MAP3K5: variants seen among roughly 807,000 people sequenced by gnomAD.
MAP3K5 encodes ASK-1.
In MAP3K5, 56 loss-of-function variants were observed where a neutral mutation model predicts 158.7. That is an observed-to-expected ratio of 0.35 (90% CI 0.28 to 0.44). The LOEUF (loss-of-function observed/expected upper bound fraction) is 0.44. MAP3K5 is among the 20% of genes least tolerant of loss of function. The probability of loss-of-function intolerance (pLI) is 1.00; values close to 1 mark genes in which losing one functional copy is unlikely to be tolerated. For missense variants in MAP3K5, 1,294 were observed against 1,674.8 expected, an observed-to-expected ratio of 0.77 and a Z score of 3.97; for synonymous variants, 579 against 601.7, an observed-to-expected ratio of 0.96 and a Z score of 0.55.
intron 1 of MAP3K5, among the ~76,000 whole-genome samples, chr6:136,747,782 C>T (rs531413217): frequency 6.6e-6 from 1 of 152,278 alleles, no homozygotes; most frequent in Non-Finnish European, 1.5e-5. Context: ...CAGTTGATGC[C>T]CATGCTGCTG....
At chr6:136,663,998 G>T (rs1779122343) in intron 8 of MAP3K5, among the ~76,000 whole-genome samples, 1 of 152,060 alleles carries the variant, frequency 6.6e-6, no homozygotes. Context: ...ATGGTGCAGG[G>T]TCCTCAATCC....
intron 13 of MAP3K5, among the ~76,000 whole-genome samples, chr6:136,638,967 A>G (rs568575660): frequency 6.6e-6 from 1 of 152,336 alleles, no homozygotes; most frequent in East Asian, 1.9e-4. Flanking sequence ...TATTAGCCCA[A>G]GAGAAACATA....
At position 136,639,787 on chromosome 6, in the gene MAP3K5, C is replaced by A. The variant is rs1038305941; in HGVS notation, c.1839-149G>T. On this transcript the variant is annotated intron_variant, in intron 12 of 29. Transcript: ENST00000359015. ...ATAAATAGCACTTTAAAAAGTGATA[C>A]TTCCTGCACCACACTACTAAAATGA... 1.4e-5 allele frequency: 8 copies of A among 579,398 alleles called. No homozygotes were observed. The African/African-American group carries it at 1.5e-4, about 11-fold the overall frequency. 35.9% of individuals were successfully genotyped at this position (579,398 alleles called of 1,614,324 possible). A position where few individuals can be genotyped will look rare whatever the true frequency, so the allele number is the denominator to read the frequency against.
intron 8 of MAP3K5, among the ~76,000 whole-genome samples, chr6:136,668,754 T>A (rs527986626): frequency 1.1e-4 from 17 of 152,314 alleles, no homozygotes; most frequent in African/African-American, 4.1e-4. Context: ...TCGATGGCTA[T>A]GATTCAGAGA....
At chr6:136,655,314 C>T (rs1201876663) in intron 10 of MAP3K5, among the ~76,000 whole-genome samples, 2 of 152,166 alleles carry the variant, frequency 1.3e-5, no homozygotes, top group African/African-American at 4.8e-5. Flanking sequence ...TAAGTATTTT[C>T]CTAGGCTACA....
rs1311253851 is a variant in MAP3K5 at position 136,609,372 on chromosome 6, G to T, written c.2521+1910C>A. On this transcript the variant is annotated intron_variant, in intron 18 of 29. Transcript: ENST00000359015. This position sits in a 1 kb window ranked among gnomAD's most constrained non-coding sequence, Gnocchi z 4.4. ...CCCTGAGGTGGGAGCTGGGCCAGGGGTATTGCTGACTGAATGCTCTAGGGA... is the reference window on the plus strand; with the variant it reads ...CCCTGAGGTGGGAGCTGGGCCAGGGTTATTGCTGACTGAATGCTCTAGGGA... Among the ~76,000 whole-genome samples, 2 of 152,136 alleles carry T rather than the reference G, an allele frequency of 1.3e-5. No homozygotes were observed. The highest frequency in any genetic ancestry group is 1.9e-4 in the East Asian group (1 of 5,186).
At chr6:136,742,379 A>G (rs1325192208) in intron 1 of MAP3K5, among the ~76,000 whole-genome samples, 5 of 152,190 alleles carry the variant, frequency 3.3e-5, no homozygotes, top group Non-Finnish European at 5.9e-5. Flanking sequence ...ATATAATGAA[A>G]CAAGGATAAT....
At chr6:136,756,703 G>A (rs1783506899) in intron 1 of MAP3K5, among the ~76,000 whole-genome samples, 1 of 152,192 alleles carries the variant, frequency 6.6e-6, no homozygotes, top group African/African-American at 2.4e-5. Context: ...ACTATTGGAT[G>A]CTTAAAGGCC....
intron 21 of MAP3K5, 141 bp from the exon 22 acceptor site, chr6:136,592,755 G>A (rs1478495025): frequency 3.8e-6 from 3 of 798,642 alleles, no homozygotes; most frequent in Non-Finnish European, 6.4e-6. Context: ...TAAGGGAACG[G>A]TCATGTGTTA....
chr6:136,586,161 T>C (rs938246234), intron 23 of MAP3K5, among the ~76,000 whole-genome samples: 1 of 152,228 alleles, frequency 6.6e-6, no homozygotes, highest in African/African-American at 2.4e-5. Context: ...ATAAACTTTG[T>C]TGGTTTTTTC....
Position 136,745,117 on chromosome 6 carries a change from C to T in MAP3K5, c.449-24528G>A, listed in dbSNP as rs117969752. Among the ~76,000 whole-genome samples, 49 of 148,308 alleles carry T rather than the reference C, an allele frequency of 3.3e-4. No homozygotes were observed. In the East Asian group the frequency reaches 6.9e-3, roughly 21 times the overall value. ...GTTCAGAATACTGACAGGGCAGCAG[C>T]GGGCATACACTTGGCAGTCATTAAA... is the stretch of plus-strand genomic sequence containing the variant. On this transcript the variant is annotated intron_variant, in intron 1 of 29. Transcript: ENST00000359015.
At chr6:136,691,357 T>A (rs1489062161) in intron 7 of MAP3K5, among the ~76,000 whole-genome samples, 2 of 152,192 alleles carry the variant, frequency 1.3e-5, no homozygotes, top group African/African-American at 2.4e-5. Context: ...ACACCTGTAA[T>A]CCCAGCACTT....
At chr6:136,782,558 T>C (rs969672478) in intron 1 of MAP3K5, among the ~76,000 whole-genome samples, 1 of 152,218 alleles carries the variant, frequency 6.6e-6, no homozygotes, top group African/African-American at 2.4e-5. Context: ...TACAAAGGAA[T>C]ATAACTTACT....
chr6:136,765,189 T>C (rs1031222891), intron 1 of MAP3K5, among the ~76,000 whole-genome samples: 7 of 152,274 alleles, frequency 4.6e-5, no homozygotes, highest in African/African-American at 1.7e-4. Context: ...ATACAAACTC[T>C]GAAGTCCTTT....
At chr6:136,712,842 C>A (rs1441380485) in intron 2 of MAP3K5, among the ~76,000 whole-genome samples, 1 of 152,118 alleles carries the variant, frequency 6.6e-6, no homozygotes, top group Admixed American at 6.6e-5. Flanking sequence ...TAAGGGGTTT[C>A]CCCTTCCACC....
At chr6:136,566,489 C>T (rs1380724769) in intron 26 of MAP3K5, among the ~76,000 whole-genome samples, 1 of 152,080 alleles carries the variant, frequency 6.6e-6, no homozygotes, top group Non-Finnish European at 1.5e-5. Context: ...CCTTCCATAA[C>T]GATGGGGTGT....
rs1323973341 is a variant in MAP3K5, at chr6:136,792,425, G to C, written c.-268C>G. The C allele has an allele frequency of 6.1e-6, 6 of 977,588 alleles. No homozygotes were observed. The highest frequency in any genetic ancestry group is 7.3e-6 in the Non-Finnish European group (6 of 822,526). 60.6% of individuals were successfully genotyped at this position (977,588 alleles called of 1,614,324 possible). A position where few individuals can be genotyped will look rare whatever the true frequency, so the allele number is the denominator to read the frequency against. ...AGAGTACAAGGGGTGGGGAAGCCGG[G>C]TGAGCGGGAAGGGACGGAGCTTCCT... On this transcript the variant is annotated 5_prime_UTR_variant, in exon 1 of 30. Transcript: ENST00000359015. This position sits in a 1 kb window ranked among gnomAD's most constrained non-coding sequence, Gnocchi z 5.7.
At chr6:136,616,095 G>A (rs559977655) in intron 15 of MAP3K5, among the ~76,000 whole-genome samples, 82 of 152,076 alleles carry the variant, frequency 5.4e-4, no homozygotes, top group African/African-American at 1.8e-3. Flanking sequence ...TGAAGGGCAC[G>A]TATTAAAATG....
At chr6:136,663,726 C>CA (rs1779107885) in intron 8 of MAP3K5, among the ~76,000 whole-genome samples, 2 of 151,396 alleles carry the variant, frequency 1.3e-5, no homozygotes, top group Admixed American at 6.6e-5. Context: ...TCTCCTGTCT[C>CA]AGTCTCCCAA....
Sources: gnomAD v4.1 joint callset for allele counts (sites outside exome capture counted in the v4.1 genomes callset) on GRCh38, gnomAD v4.1.1 for gene constraint, Gnocchi (gnomAD v3.1) non-coding constraint, MANE v1.5 for transcripts, NCBI Gene and HGNC (gene_info 2026-07-23, HGNC 2026-07-21) for gene names.